ARHGEF12: variants seen among roughly 807,000 people sequenced by gnomAD.
The protein encoded by ARHGEF12 is KMT2A/ARHGEF12 fusion protein.
Under a neutral mutation model 211.2 loss-of-function variants are expected in ARHGEF12, and 66 were observed. The ratio of observed to expected loss-of-function variants is 0.31; its 90% CI spans 0.26 to 0.38. The LOEUF (loss-of-function observed/expected upper bound fraction) is 0.38. ARHGEF12 is among the 10% of genes least tolerant of loss of function. The pLI is 1.00. For synonymous variants in ARHGEF12, 592 were observed against 638.4 expected, an observed-to-expected ratio of 0.93 and a Z score of 1.09; for missense variants, 1,429 against 1,869.5, an observed-to-expected ratio of 0.76 and a Z score of 4.34.
chr11:120,429,961 A>C, intron 10 of ARHGEF12, 130 bp downstream of exon 10: 1 of 1,002,404 alleles, frequency 1.0e-6, no homozygotes, highest in South Asian at 2.1e-5. Flanking sequence ...ATGTCCTGTT[A>C]AGGATGTTAC....
chr11:120,473,223 AAGG>A (rs1164398249), intron 31 of ARHGEF12, 96 bp downstream of exon 31: 2 of 1,077,734 alleles, frequency 1.9e-6, no homozygotes, highest in Non-Finnish European at 2.7e-6. Context: ...ACGTCACCTG[AAGG>A]AGTTCTTGTA....
chr11:120,372,879 A>T (rs908074177), intron 1 of ARHGEF12, among the ~76,000 whole-genome samples: 1 of 152,138 alleles, frequency 6.6e-6, no homozygotes, highest in Non-Finnish European at 1.5e-5. Flanking sequence ...TCAAACTGTA[A>T]CTTATTGATA....
In ARHGEF12 at chr11:120,477,490, C is replaced by G. The variant is rs772527345; in HGVS notation, c.3496C>G (p.Gln1166Glu). The G allele has an allele frequency of 9.3e-6, 15 of 1,609,632 alleles. No homozygotes were observed. The highest frequency in any genetic ancestry group is 1.1e-5 in the Non-Finnish European group (13 of 1,179,434). ...AGATCCTTCAAAATTAAAAGAGGAG[C>G]AGCATGGCATTTCAGTCACTGGTTT... ...EEDPSKLKEE[Q>E]HGISVTGLQS... is the part of the protein sequence containing the mutation. The change falls in exon 36 of 41, where the codon CAG (glutamine) becomes GAG (glutamate). Residue 1166 changes from glutamine to glutamate, a missense_variant. Transcript: ENST00000397843.
Position 120,485,435 on chromosome 11 carries a change from G to A in ARHGEF12, c.*358G>A, listed in dbSNP as rs994153757. On this transcript the variant is annotated 3_prime_UTR_variant, in exon 41 of 41. Coordinates refer to ENST00000397843, the MANE Select transcript of ARHGEF12 (RefSeq NM_015313.3). ...AGATGTATTTATTTGACTTCATTCC[G>A]TATTTGAAAGCACATTTTAATTTTT... The A allele has an allele frequency of 2.7e-5, 7 of 256,194 alleles. No individual in the cohort carries two copies. Among genetic ancestry groups the A allele is most frequent in the East Asian group, 5.6e-5 (1 of 17,866 alleles). The allele number at this position is 256,194 out of a possible 1,614,324, so 15.9% of individuals were successfully genotyped here. A position where few individuals can be genotyped will look rare whatever the true frequency, so the allele number is the denominator to read the frequency against.
intron 17 of ARHGEF12, among the ~76,000 whole-genome samples, chr11:120,446,738 G>A (rs912511041): frequency 6.6e-6 from 1 of 152,166 alleles, no homozygotes; most frequent in Non-Finnish European, 1.5e-5. Context: ...TCTATGCTAA[G>A]TGTGTTCCTT....
intron 33 of ARHGEF12, 59 bp downstream of exon 33, chr11:120,475,566 A>G: frequency 1.3e-6 from 2 of 1,552,216 alleles, no homozygotes. Flanking sequence ...TGCATAAGAT[A>G]CTCGGTGCTG....
chr11:120,364,424 T>C (rs1284199040), intron 1 of ARHGEF12, among the ~76,000 whole-genome samples: 1 of 152,206 alleles, frequency 6.6e-6, no homozygotes, highest in African/African-American at 2.4e-5. Context: ...GCCTAAGAAA[T>C]GTTTAAACTT....
At chr11:120,369,558 C>T (rs1295891743) in intron 1 of ARHGEF12, among the ~76,000 whole-genome samples, 1 of 152,172 alleles carries the variant, frequency 6.6e-6, no homozygotes, top group Non-Finnish European at 1.5e-5. Flanking sequence ...GCCATTTAAT[C>T]ATTATGTTTA....
At chr11:120,374,124 G>GGGAAA (rs1943663148) in intron 1 of ARHGEF12, among the ~76,000 whole-genome samples, 1 of 152,116 alleles carries the variant, frequency 6.6e-6, no homozygotes, top group Non-Finnish European at 1.5e-5. Context: ...GTATTTTTAT[G>GGGAAA]GACACCCATA....
intron 1 of ARHGEF12, among the ~76,000 whole-genome samples, chr11:120,371,937 C>A (rs904919798): frequency 6.6e-6 from 1 of 152,114 alleles, no homozygotes. Context: ...TTTGAATGAC[C>A]GTTACTAAAA....
rs770630387 is a variant in ARHGEF12, at chr11:120,451,587, C to T, written c.1919C>T (p.Pro640Leu). Residue 640 changes from proline to leucine, a missense_variant, in exon 22 of 41, where the codon CCT (proline) becomes CTT (leucine). Physicochemically the swap from Pro to Leu is moderately conservative, Grantham distance 98. Transcript: ENST00000397843. ...ACACCCTCATCTGTGAGTCCTGAAC[C>T]TCAGGACTCTGCCAAGTTGCGCCAG... Reference protein sequence around the residue: ...LSTPSSVSPEPQDSAKLRQSG... With the variant: ...LSTPSSVSPELQDSAKLRQSG... The T allele has an allele frequency of 2.5e-6, 4 of 1,614,032 alleles. No homozygotes were observed. Among genetic ancestry groups the T allele is most frequent in the Admixed American group, 1.7e-5 (1 of 59,992 alleles).
chr11:120,467,775 G>A lies in ARHGEF12; in HGVS notation c.2854+467G>A, dbSNP rs7129585. 7.1e-3 allele frequency among the ~76,000 whole-genome samples: 1,073 copies of A among 152,134 alleles called. 18 individuals are homozygous for A. Among genetic ancestry groups the A allele is most frequent in the African/African-American group, 0.024 (1,011 of 41,518 alleles). Reference sequence around the variant, plus strand: ...GATATGATCTAGTCTTCTTCGGGCTGTTTGATATAATGTACTCCATTAGTA... The same window carrying A: ...GATATGATCTAGTCTTCTTCGGGCTATTTGATATAATGTACTCCATTAGTA... On this transcript the variant is annotated intron_variant, in intron 29 of 40. Transcript: ENST00000397843.
At position 120,465,017 on chromosome 11, in the gene ARHGEF12, A is replaced by G. The variant is rs1946655820; in HGVS notation, c.2614-220A>G. ...CAACACTGTCTCAAAAAAAAGAAAA[A>G]AAAAAGAAGAAGAAAACATTGGAAT... is the stretch of plus-strand genomic sequence containing the variant. On this transcript the variant is annotated intron_variant, in intron 27 of 40. Transcript: ENST00000397843. 5 of 556,896 alleles carry G rather than the reference A, an allele frequency of 9.0e-6. No individual in the cohort carries two copies. In the East Asian group the frequency reaches 1.6e-4, roughly 18 times the overall value. The allele number at this position is 556,896 out of a possible 1,614,324, so 34.5% of individuals were successfully genotyped here.
rs144891107 is a variant in ARHGEF12, at chr11:120,337,148, G to A, written c.-96G>A. Reference sequence around the variant, plus strand: ...TGAGTTGGACTTTTGTGTCCCTGACGGAGTTGGGCCTGATCCCAGAGCACT... The same window carrying A: ...TGAGTTGGACTTTTGTGTCCCTGACAGAGTTGGGCCTGATCCCAGAGCACT... On this transcript the variant is annotated 5_prime_UTR_variant, in exon 1 of 41. Transcript: ENST00000397843. The A allele has an allele frequency of 9.1e-5, 132 of 1,452,882 alleles. No homozygotes were observed. In the East Asian group the frequency reaches 2.8e-3, roughly 31 times the overall value. The allele number at this position is 1,452,882 out of a possible 1,614,324, so 90.0% of individuals were successfully genotyped here.
chr11:120,437,580 C>T (rs890266199), intron 12 of ARHGEF12, among the ~76,000 whole-genome samples, 198 bp downstream of exon 12: 1 of 152,052 alleles, frequency 6.6e-6, no homozygotes, highest in Non-Finnish European at 1.5e-5. Context: ...TAGGTTCCTT[C>T]ATATTTGTCG....
chr11:120,437,371 A>C lies in ARHGEF12; in HGVS notation c.988A>C (p.Ile330Leu). 1 of 1,612,498 alleles carries C rather than the reference A, an allele frequency of 6.2e-7. No individual in the cohort carries two copies. ...GGAAAACCCAGAGAAAAGTGAAACA[A>C]TTCAGGACACTGTGAGTATGAAATC... Reference protein sequence around the residue: ...LEENPEKSETIQDTDTQSLVG... With the variant: ...LEENPEKSETLQDTDTQSLVG... The change falls in exon 12 of 41, where the codon ATT (isoleucine) becomes CTT (leucine). Residue 330 changes from isoleucine (I) to leucine (L), a missense_variant. Physicochemically the swap from Ile to Leu is conservative, Grantham distance 5. Coordinates refer to ENST00000397843, the MANE Select transcript of ARHGEF12 (RefSeq NM_015313.3).
chr11:120,459,262 G>A lies in ARHGEF12; in HGVS notation c.2469G>A (p.Leu823=). ...FYQRVSREGI[L]SPSELRKIFS... is the part of the protein sequence containing the mutation. ...AGCGAGTATCCAGAGAAGGAATTCT[G>A]TCACCCTCAGAGCTACGGAAAATTT... The change falls in exon 26 of 41, where the codon CTG becomes CTA. Residue 823 remains leucine, a synonymous_variant. Transcript: ENST00000397843. 6.2e-7 allele frequency: 1 copy of A among 1,613,618 alleles called. No homozygotes were observed. Among genetic ancestry groups the A allele is most frequent in the Non-Finnish European group, 8.5e-7 (1 of 1,179,810 alleles).
chr11:120,357,325 A>C (rs1352214740), intron 1 of ARHGEF12, among the ~76,000 whole-genome samples: 1 of 152,048 alleles, frequency 6.6e-6, no homozygotes, highest in South Asian at 2.1e-4. Context: ...ACACTATCCT[A>C]TACTGCCAGA....
intron 1 of ARHGEF12, among the ~76,000 whole-genome samples, chr11:120,389,726 G>T (rs1194903598): frequency 6.6e-6 from 1 of 152,124 alleles, no homozygotes; most frequent in Non-Finnish European, 1.5e-5. Context: ...CTGTCTCCAT[G>T]AGTTCAGTTG....
Sources: allele counts gnomAD v4.1 joint callset (sites outside exome capture counted in the v4.1 genomes callset), GRCh38; gene constraint gnomAD v4.1.1; transcripts MANE v1.5; gene names NCBI Gene and HGNC (gene_info 2026-07-23, HGNC 2026-07-21).